The following RBMS3 variants were observed in gnomAD, a reference collection of about 807,000 sequenced individuals.
RBMS3 encodes RNA binding motif single stranded interacting protein 3, also known as RNA-binding motif, single-stranded-interacting protein 3.
In RBMS3, 27 loss-of-function variants were observed where a neutral mutation model predicts 66.8. The observed-to-expected ratio is 0.40, with a 90% confidence interval of 0.30 to 0.56. The LOEUF is 0.56. RBMS3 is among the 20% of genes least tolerant of loss of function. The probability of loss-of-function intolerance (pLI) is 0.40; values close to 1 mark genes in which losing one functional copy is unlikely to be tolerated. For synonymous variants in RBMS3, 188 were observed against 183.0 expected (o/e 1.03, Z -0.22); for missense variants, 513 against 549.5 (o/e 0.93, Z 0.66).
intron 12 of RBMS3, among the ~76,000 whole-genome samples, chr3:29,954,574 T>C (rs1282537717): frequency 6.6e-6 from 1 of 151,936 alleles, no homozygotes; most frequent in Non-Finnish European, 1.5e-5. Flanking sequence ...AAGCTTAGAG[T>C]AGGACAGGAA....
chr3:29,976,577 G>A (rs1484666345), intron 12 of RBMS3, among the ~76,000 whole-genome samples: 1 of 152,042 alleles, frequency 6.6e-6, no homozygotes, highest in Admixed American at 6.6e-5. Flanking sequence ...GGTCCAGGTA[G>A]GAGTCCATCC....
chr3:29,541,957 C>T (rs1157262836), intron 3 of RBMS3, among the ~76,000 whole-genome samples: 1 of 152,212 alleles, frequency 6.6e-6, no homozygotes, highest in Non-Finnish European at 1.5e-5. Context: ...CCTCATCCCA[C>T]CCCAGCTAAA....
chr3:29,650,179 A>G (rs1342084246), intron 4 of RBMS3, among the ~76,000 whole-genome samples: 6 of 152,232 alleles, frequency 3.9e-5, no homozygotes, highest in Non-Finnish European at 7.3e-5. Context: ...TATTTTACAA[A>G]CAGAAAAGAA....
chr3:29,528,802 C>A (rs189912775), intron 3 of RBMS3, among the ~76,000 whole-genome samples: 220 of 152,272 alleles, frequency 1.4e-3, no homozygotes, highest in African/African-American at 5.2e-3. Context: ...GGCGTGATCT[C>A]GGCTCACTGT....
intron 12 of RBMS3, among the ~76,000 whole-genome samples, chr3:29,985,744 C>A (rs952129750): frequency 3.9e-5 from 6 of 152,162 alleles, no homozygotes; most frequent in Non-Finnish European, 8.8e-5. Flanking sequence ...AGTCACCCGC[C>A]TTCTGCATTG....
intron 4 of RBMS3, among the ~76,000 whole-genome samples, chr3:29,636,745 G>T (rs539568987): frequency 6.6e-6 from 1 of 152,040 alleles, no homozygotes; most frequent in African/African-American, 2.4e-5. Context: ...CATGGTAAAT[G>T]AAAGCATTAT....
In RBMS3 at chr3:30,009,644, A is replaced by G. The variant is rs1458118277; in HGVS notation, c.*5782A>G. 6.6e-6 allele frequency: 1 copy of G among 152,164 alleles called. No homozygotes were observed. Among genetic ancestry groups the G allele is most frequent in the Non-Finnish European group, 1.5e-5 (1 of 68,026 alleles). 9.4% of individuals were successfully genotyped at this position (152,164 alleles called of 1,614,324 possible). On this transcript the variant is annotated 3_prime_UTR_variant, in exon 15 of 15. Transcript: ENST00000383767. ...TATAACGGTAGCTCTTGGTACAGTC[A>G]TATTCATATTTTTAAATCTTTCTTT... is the stretch of plus-strand genomic sequence containing the variant.
intron 3 of RBMS3, among the ~76,000 whole-genome samples, chr3:29,581,403 G>T (rs1438895958): frequency 1.3e-5 from 2 of 152,052 alleles, no homozygotes; most frequent in African/African-American, 4.8e-5. Flanking sequence ...AAATACAGAG[G>T]TATGGAGGCA....
At chr3:29,742,397 C>T (rs1559626028) in intron 5 of RBMS3, among the ~76,000 whole-genome samples, 1 of 152,152 alleles carries the variant, frequency 6.6e-6, no homozygotes, top group Non-Finnish European at 1.5e-5. Flanking sequence ...ACTTGCCAAC[C>T]TCTCCAGCAT....
chr3:29,782,547 G>C (rs563704846), intron 6 of RBMS3, among the ~76,000 whole-genome samples: 4 of 152,286 alleles, frequency 2.6e-5, no homozygotes, highest in African/African-American at 9.6e-5. Context: ...TTGAATCCCA[G>C]ATCTTACCTC....
intron 4 of RBMS3, among the ~76,000 whole-genome samples, chr3:29,680,095 A>G (rs2051425253): frequency 6.6e-6 from 1 of 152,144 alleles, no homozygotes; most frequent in African/African-American, 2.4e-5. Flanking sequence ...AGCCTTGAAT[A>G]CTTTGTGCCT....
chr3:29,591,359 G>A (rs376553291), intron 4 of RBMS3, among the ~76,000 whole-genome samples: 30 of 152,184 alleles, frequency 2.0e-4, no homozygotes, highest in South Asian at 6.2e-4. Context: ...CTGAATTCCC[G>A]CAATGTAGAA....
intron 1 of RBMS3, among the ~76,000 whole-genome samples, chr3:29,300,601 T>C (rs1435624633): frequency 6.6e-6 from 1 of 152,036 alleles, no homozygotes; most frequent in Non-Finnish European, 1.5e-5. Context: ...TGTGTACACA[T>C]TTATGTTTGT....
intron 2 of RBMS3, among the ~76,000 whole-genome samples, chr3:29,471,718 G>GTTTTTTTTTTTTTTTTTTTTTTTTTTTTT (rs397793236): frequency 1.4e-5 from 1 of 71,170 alleles, no homozygotes. Flanking sequence ...TGAGGACTTA[G>GTTTTTTTTTTTTTTTTTTTTTTTTTTTTT]TTTTTTTTTT....
chr3:29,686,518 T>C lies in RBMS3; in HGVS notation c.400-53202T>C, dbSNP rs565735439. On this transcript the variant is annotated intron_variant, in intron 4 of 14. Coordinates refer to ENST00000383767, the MANE Select transcript of RBMS3 (RefSeq NM_001003793.3). ...TGGGTATCATAAGAGACCCCATCTC[T>C]GTAAAAAATAAAATTAAAAAGCCAG... Among the ~76,000 whole-genome samples the C allele has an allele frequency of 6.6e-5, 10 of 152,210 alleles. 1 individual carries two copies. Among genetic ancestry groups the C allele is most frequent in the African/African-American group, 2.4e-4 (10 of 41,522 alleles).
chr3:29,549,826 G>A (rs1331395764), intron 3 of RBMS3, among the ~76,000 whole-genome samples: 1 of 152,054 alleles, frequency 6.6e-6, no homozygotes, highest in African/African-American at 2.4e-5. Flanking sequence ...TGGACTTAAG[G>A]CAGTAAAATA....
chr3:29,827,731 C>A (rs1470041707), intron 6 of RBMS3, among the ~76,000 whole-genome samples: 1 of 152,086 alleles, frequency 6.6e-6, no homozygotes, highest in African/African-American at 2.4e-5. Flanking sequence ...TTGCATGTAG[C>A]AGGAACAAGT....
intron 6 of RBMS3, among the ~76,000 whole-genome samples, chr3:29,795,599 GAATT>G (rs567396177): frequency 6.6e-6 from 1 of 152,104 alleles, no homozygotes; most frequent in Admixed American, 6.5e-5. Flanking sequence ...AATGTTTGTT[GAATT>G]AATTAATTGA....
intron 4 of RBMS3, among the ~76,000 whole-genome samples, chr3:29,665,682 T>G (rs921213196): frequency 6.6e-6 from 1 of 152,220 alleles, no homozygotes; most frequent in South Asian, 2.1e-4. Flanking sequence ...CTCATTTCAT[T>G]TTGAGAACAA....
Sources: allele counts gnomAD v4.1 joint callset (sites outside exome capture counted in the v4.1 genomes callset), GRCh38; gene constraint gnomAD v4.1.1; transcripts MANE v1.5; gene names NCBI Gene and HGNC (gene_info 2026-07-23, HGNC 2026-07-21).